TBC1D8: variants seen among roughly 807,000 people sequenced by gnomAD.
TBC1D8 encodes the protein TBC1 domain family member 8.
Under a neutral mutation model 118.8 loss-of-function variants are expected in TBC1D8, and 65 were observed. The observed-to-expected ratio is 0.55, with a 90% CI of 0.45 to 0.67. The LOEUF (loss-of-function observed/expected upper bound fraction) is 0.67. Among genes scored for constraint, TBC1D8 ranks in the 30% least tolerant of loss-of-function variants. The probability of loss-of-function intolerance (pLI) is 0.00; values close to 1 mark genes in which losing one functional copy is unlikely to be tolerated. For missense variants in TBC1D8, 1,376 were observed against 1,471.2 expected, an observed-to-expected ratio of 0.94 and a Z score of 1.06; for synonymous variants, 566 against 595.8, an observed-to-expected ratio of 0.95 and a Z score of 0.73.
intron 5 of TBC1D8, among the ~76,000 whole-genome samples, chr2:101,045,007 A>G (rs1190128120): frequency 6.6e-6 from 1 of 152,168 alleles, no homozygotes; most frequent in South Asian, 2.1e-4. Context: ...TCGGCCTCCC[A>G]AAGTGCTGGG....
At chr2:101,108,253 G>C (rs1345287937) in intron 1 of TBC1D8, among the ~76,000 whole-genome samples, 1 of 152,076 alleles carries the variant, frequency 6.6e-6, no homozygotes, top group Non-Finnish European at 1.5e-5. Flanking sequence ...TACAGGACCA[G>C]CATTTTCTCA....
At chr2:101,117,568 CTTTTTTT>C (rs201852112) in intron 1 of TBC1D8, among the ~76,000 whole-genome samples, 1 of 119,702 alleles carries the variant, frequency 8.4e-6, no homozygotes, top group African/African-American at 3.4e-5. Flanking sequence ...GGAGGCAGAA[CTTTTTTT>C]TTTTTTTTTT....
At position 101,007,748 on chromosome 2, in the gene TBC1D8, G is replaced by A. The variant is rs775738054; in HGVS notation, c.*73C>T. On this transcript the variant is annotated 3_prime_UTR_variant, in exon 20 of 20. Coordinates refer to ENST00000409318, the MANE Select transcript of TBC1D8 (RefSeq NM_001330348.2). ...AGGTAGACTGAAATCTCGGTTTAGG[G>A]CTGACCCCAAGAAACAGTCTGGTTC... 1.2e-5 allele frequency: 18 copies of A among 1,479,448 alleles called. No individual in the cohort carries two copies. The highest frequency in any genetic ancestry group is 1.8e-5 in the Admixed American group (1 of 55,570). The allele number at this position is 1,479,448 out of a possible 1,614,324, so 91.6% of individuals were successfully genotyped here. A position where few individuals can be genotyped will look rare whatever the true frequency, so the allele number is the denominator to read the frequency against.
At chr2:101,060,963 G>A (rs1295777437) in intron 2 of TBC1D8, among the ~76,000 whole-genome samples, 1 of 151,960 alleles carries the variant, frequency 6.6e-6, no homozygotes, top group African/African-American at 2.4e-5. Flanking sequence ...CGAGGTGAAT[G>A]GATCACTTGA....
intron 2 of TBC1D8, among the ~76,000 whole-genome samples, chr2:101,070,513 A>G (rs909155243): frequency 2.0e-5 from 3 of 151,764 alleles, no homozygotes; most frequent in African/African-American, 7.3e-5. Context: ...CTCAGGTTCA[A>G]GCAATTCTCC....
At chr2:101,032,677 G>A (rs2105389872) in intron 10 of TBC1D8, 1 of 325,318 alleles carries the variant, frequency 3.1e-6, no homozygotes, top group Non-Finnish European at 5.7e-6. Flanking sequence ...GCTATTCGCT[G>A]TTTGTTCAAG....
chr2:101,134,197 TCACACACACACA>T (rs59427291), intron 1 of TBC1D8, among the ~76,000 whole-genome samples: 51 of 73,566 alleles, frequency 6.9e-4, no homozygotes, highest in African/African-American at 2.6e-3. Flanking sequence ...TCTCTCTCTC[TCACACACACACA>T]CACACACACA....
intron 15 of TBC1D8, among the ~76,000 whole-genome samples, chr2:101,024,402 ATTTT>A (rs34272976): frequency 1.6e-4 from 19 of 121,160 alleles, no homozygotes; most frequent in Admixed American, 1.0e-3. Context: ...TGGGACTGTA[ATTTT>A]TTTTTTTTTT....
At chr2:101,110,215 T>C (rs1677508220) in intron 1 of TBC1D8, among the ~76,000 whole-genome samples, 2 of 152,192 alleles carry the variant, frequency 1.3e-5, no homozygotes, top group Non-Finnish European at 2.9e-5. Flanking sequence ...TGAGACAAAA[T>C]GACAGCTACT....
chr2:101,056,210 T>TTA (rs1682420489), intron 3 of TBC1D8, among the ~76,000 whole-genome samples: 5 of 132,154 alleles, frequency 3.8e-5, no homozygotes, highest in East Asian at 2.3e-4. Flanking sequence ...TATTATTATT[T>TTA]TTTTTTTTTT....
At chr2:101,134,977 G>A (rs1407119659) in intron 1 of TBC1D8, among the ~76,000 whole-genome samples, 1 of 152,138 alleles carries the variant, frequency 6.6e-6, no homozygotes, top group Non-Finnish European at 1.5e-5. Flanking sequence ...TTCAAGACTA[G>A]CCTGGCCAAC....
At chr2:101,047,742 C>CT (rs1681802269) in intron 5 of TBC1D8, among the ~76,000 whole-genome samples, 1 of 152,190 alleles carries the variant, frequency 6.6e-6, no homozygotes, top group Non-Finnish European at 1.5e-5. Flanking sequence ...ACACCAGGCC[C>CT]TTTTTAGCCT....
Position 101,063,534 on chromosome 2 carries a change from A to G in TBC1D8, c.284-3995T>C, listed in dbSNP as rs567384665. Among the ~76,000 whole-genome samples, 23 of 152,308 alleles carry G rather than the reference A, an allele frequency of 1.5e-4. 1 individual carries two copies. The highest frequency in any genetic ancestry group is 1.1e-3 in the Admixed American group (17 of 15,302). On this transcript the variant is annotated intron_variant, in intron 2 of 19. Transcript: ENST00000409318. ...CCTACTGGCTTCTATTTCCTACACA[A>G]GTTGCCAAATGGCAGGGAAATTTTC...
chr2:101,062,883 G>A (rs558642326), intron 2 of TBC1D8, among the ~76,000 whole-genome samples: 10 of 152,164 alleles, frequency 6.6e-5, no homozygotes, highest in South Asian at 4.2e-4. Context: ...CTCGTGATCC[G>A]CCCGCCTTGG....
chr2:101,139,185 T>C (rs1678990433), intron 1 of TBC1D8, among the ~76,000 whole-genome samples: 1 of 151,856 alleles, frequency 6.6e-6, no homozygotes, highest in African/African-American at 2.4e-5. Context: ...GGTGAACTAC[T>C]CCCTCGACCT....
intron 1 of TBC1D8, among the ~76,000 whole-genome samples, chr2:101,117,616 C>G (rs1677883655): frequency 6.7e-6 from 1 of 148,550 alleles, no homozygotes; most frequent in Non-Finnish European, 1.5e-5. Context: ...CTCTGTCGCC[C>G]AGGCTGGAGT....
chr2:101,100,528 G>T (rs1489367919), intron 1 of TBC1D8, among the ~76,000 whole-genome samples: 1 of 152,084 alleles, frequency 6.6e-6, no homozygotes, highest in Admixed American at 6.6e-5. Flanking sequence ...ATTTCATATG[G>T]AATCAAAGAA....
chr2:101,090,294 A>G lies in TBC1D8; in HGVS notation c.198T>C (p.Leu66=), dbSNP rs768261969. The change falls in exon 2 of 20, where the codon CTT becomes CTC. Residue 66 remains leucine, a synonymous_variant. Coordinates refer to ENST00000409318, the MANE Select transcript of TBC1D8 (RefSeq NM_001330348.2). ...AATAAACCTGGGAGCCGGGAACTTG[A>G]AGCAGAATTCGAAATGGAGCGACCC... ...NARVAPFRIL[L]QVPGSQVYSP... The G allele has an allele frequency of 6.2e-7, 1 of 1,613,994 alleles. No individual in the cohort carries two copies. The highest frequency in any genetic ancestry group is 1.7e-5 in the Admixed American group (1 of 60,022).
intron 17 of TBC1D8, among the ~76,000 whole-genome samples, chr2:101,016,128 G>A (rs184560886): frequency 6.6e-6 from 1 of 152,284 alleles, no homozygotes; most frequent in Non-Finnish European, 1.5e-5. Context: ...CCATCAGAGT[G>A]AACACGCAAT....
Sources: allele counts gnomAD v4.1 joint callset (sites outside exome capture counted in the v4.1 genomes callset), GRCh38; gene constraint gnomAD v4.1.1; transcripts MANE v1.5; gene names NCBI Gene and HGNC (gene_info 2026-07-23, HGNC 2026-07-21).